KCNK5: variants seen among roughly 807,000 people sequenced by gnomAD.
The protein encoded by KCNK5 is potassium two pore domain channel subfamily K member 5, also known as potassium channel subfamily K member 5.
Under a neutral mutation model 32.9 loss-of-function variants are expected in KCNK5, and 18 were observed. That is an observed-to-expected ratio of 0.55 (90% CI 0.38 to 0.81). The LOEUF (loss-of-function observed/expected upper bound fraction) is 0.81, where lower values mean the gene tolerates loss of function less well. KCNK5 is among the 30% of genes least tolerant of loss of function. The probability of loss-of-function intolerance (pLI) is 0.00; values close to 1 mark genes in which losing one functional copy is unlikely to be tolerated. For missense variants in KCNK5, 507 were observed against 651.0 expected, an observed-to-expected ratio of 0.78 and a Z score of 2.41; for synonymous variants, 276 against 275.3, an observed-to-expected ratio of 1.00 and a Z score of -0.03.
chr6:39,194,506 C>T lies in KCNK5; in HGVS notation c.465+88G>A. The T allele has an allele frequency of 6.6e-7, 1 of 1,508,590 alleles. No individual in the cohort carries two copies. Among genetic ancestry groups the T allele is most frequent in the East Asian group, 2.3e-5 (1 of 44,266 alleles). 93.5% of individuals were successfully genotyped at this position (1,508,590 alleles called of 1,614,324 possible). A position where few individuals can be genotyped will look rare whatever the true frequency, so the allele number is the denominator to read the frequency against. On this transcript the variant is annotated intron_variant, in intron 3 of 4. Transcript: ENST00000359534. This position sits in a 1 kb window ranked among gnomAD's most constrained non-coding sequence, Gnocchi z 4.7. ...TCCTCTTGCCATCTGTCCTTACACC[C>T]TTGGTCCAATTCCTAGAGGCCTCCT...
intron 1 of KCNK5, among the ~76,000 whole-genome samples, chr6:39,199,101 G>A (rs1295815014): frequency 6.6e-6 from 1 of 152,142 alleles, no homozygotes; most frequent in Non-Finnish European, 1.5e-5. Flanking sequence ...ATTCTAATGG[G>A]TGATGGGAGA....
intron 1 of KCNK5, among the ~76,000 whole-genome samples, chr6:39,222,242 A>G (rs894702838): frequency 6.6e-6 from 1 of 152,204 alleles, no homozygotes; most frequent in Non-Finnish European, 1.5e-5. Context: ...AGGGGCTCGT[A>G]GTAGGAAAAG....
In KCNK5 at chr6:39,194,489, C is replaced by G. The variant is rs1770994479; in HGVS notation, c.465+105G>C. 6.9e-7 allele frequency: 1 copy of G among 1,447,018 alleles called. No individual in the cohort carries two copies. Among genetic ancestry groups the G allele is most frequent in the Admixed American group, 2.0e-5 (1 of 48,906 alleles). The allele number at this position is 1,447,018 out of a possible 1,614,324, so 89.6% of individuals were successfully genotyped here. On this transcript the variant is annotated intron_variant, in intron 3 of 4. Transcript: ENST00000359534. This position sits in a 1 kb window ranked among gnomAD's most constrained non-coding sequence, Gnocchi z 4.7. Reference sequence around the variant, plus strand: ...AAGGAGCTCTGAAACTATCCTCTTGCCATCTGTCCTTACACCCTTGGTCCA... The same window carrying G: ...AAGGAGCTCTGAAACTATCCTCTTGGCATCTGTCCTTACACCCTTGGTCCA...
intron 1 of KCNK5, among the ~76,000 whole-genome samples, chr6:39,218,738 TCCTTCC>T (rs1771487200): frequency 6.6e-6 from 1 of 152,096 alleles, no homozygotes. Flanking sequence ...ATACTTCTGC[TCCTTCC>T]CCCTGGAGTG....
Position 39,194,019 on chromosome 6 carries a change from T to A in KCNK5, c.634+150A>T. 2.5e-6 allele frequency: 2 copies of A among 806,886 alleles called. No homozygotes were observed. The highest frequency in any genetic ancestry group is 3.3e-5 in the South Asian group (2 of 60,178). The allele number at this position is 806,886 out of a possible 1,614,324, so 50.0% of individuals were successfully genotyped here. The stretch of plus-strand genomic sequence containing the variant: ...GTCATTACTCTGGGTCTTAGTTTCC[T>A]CTTGCAAATGGCAGAGTGGGTTGAG... On this transcript the variant is annotated intron_variant, in intron 4 of 4. Transcript: ENST00000359534. This position sits in a 1 kb window ranked among gnomAD's most constrained non-coding sequence, Gnocchi z 4.7.
rs574933162 is a variant in KCNK5 at position 39,219,906 on chromosome 6, CT to C, written c.186+9019del. Among the ~76,000 whole-genome samples, 138 of 152,344 alleles carry C rather than the reference CT, an allele frequency of 9.1e-4. 1 individual carries two copies. The highest frequency in any genetic ancestry group is 3.1e-3 in the African/African-American group (130 of 41,582). On this transcript the variant is annotated intron_variant, in intron 1 of 4. Transcript: ENST00000359534. ...GCTGGACCTAACTAGCACTCCAAGCCTTTCTGAATGAATGGACGAGTCCAGA... is the reference window on the plus strand; with the variant it reads ...GCTGGACCTAACTAGCACTCCAAGCCTTCTGAATGAATGGACGAGTCCAGA...
At chr6:39,193,519 G>C (rs1770977138) in intron 4 of KCNK5, among the ~76,000 whole-genome samples, 1 of 152,228 alleles carries the variant, frequency 6.6e-6, no homozygotes, top group South Asian at 2.1e-4. Context: ...GAACCAAGAT[G>C]CTGTGCAGGC....
intron 1 of KCNK5, among the ~76,000 whole-genome samples, chr6:39,214,222 C>T (rs1431933688): frequency 6.6e-6 from 1 of 152,142 alleles, no homozygotes; most frequent in Admixed American, 6.5e-5. Context: ...AAAGTACCTG[C>T]CTCGGCTGTG....
At chr6:39,202,317 T>C (rs1771144717) in intron 1 of KCNK5, among the ~76,000 whole-genome samples, 1 of 152,114 alleles carries the variant, frequency 6.6e-6, no homozygotes, top group African/African-American at 2.4e-5. Context: ...GGTGGAAGCC[T>C]GAAGAGCAAG....
intron 1 of KCNK5, among the ~76,000 whole-genome samples, chr6:39,221,810 C>T (rs1031432865): frequency 6.6e-6 from 1 of 152,188 alleles, no homozygotes; most frequent in Admixed American, 6.5e-5. Flanking sequence ...ATGAATCCCC[C>T]CAGCCCCTTC....
intron 1 of KCNK5, among the ~76,000 whole-genome samples, chr6:39,219,942 T>C (rs1771509724): frequency 6.6e-6 from 1 of 152,124 alleles, no homozygotes; most frequent in Non-Finnish European, 1.5e-5. Context: ...AGAGGGAAAA[T>C]ATGGCCAGGG....
chr6:39,203,108 T>A (rs1216130622), intron 1 of KCNK5, among the ~76,000 whole-genome samples: 5 of 152,172 alleles, frequency 3.3e-5, no homozygotes, highest in Admixed American at 3.3e-4. Context: ...GCAGATGGGC[T>A]GGCATGTCCT....
intron 1 of KCNK5, among the ~76,000 whole-genome samples, chr6:39,215,456 G>A (rs139095407): frequency 3.0e-4 from 45 of 152,258 alleles, no homozygotes; most frequent in African/African-American, 4.1e-4. Flanking sequence ...GGGGATGGAC[G>A]TCTTTCTCCT....
chr6:39,201,629 A>G (rs1303204719), intron 1 of KCNK5, among the ~76,000 whole-genome samples: 1 of 152,208 alleles, frequency 6.6e-6, no homozygotes, highest in African/African-American at 2.4e-5. Flanking sequence ...AAGGGAAAAT[A>G]GAGCTGACCC....
intron 1 of KCNK5, among the ~76,000 whole-genome samples, chr6:39,222,205 T>G (rs1013983225): frequency 2.6e-5 from 4 of 152,162 alleles, no homozygotes; most frequent in African/African-American, 4.8e-5. Context: ...TGTCTTTGGC[T>G]GGGCCAGGGA....
At position 39,194,483 on chromosome 6, in the gene KCNK5, C is replaced by T; in HGVS notation, c.465+111G>A. On this transcript the variant is annotated intron_variant, in intron 3 of 4. Coordinates refer to ENST00000359534, the MANE Select transcript of KCNK5 (RefSeq NM_003740.4). The surrounding 1 kb of genome is among the most constrained non-coding windows in gnomAD (Gnocchi z 4.7). ...GAGGGCAAGGAGCTCTGAAACTATCCTCTTGCCATCTGTCCTTACACCCTT... is the reference window on the plus strand; with the variant it reads ...GAGGGCAAGGAGCTCTGAAACTATCTTCTTGCCATCTGTCCTTACACCCTT... The T allele has an allele frequency of 7.0e-7, 1 of 1,432,092 alleles. No individual in the cohort carries two copies. The highest frequency in any genetic ancestry group is 9.5e-7 in the Non-Finnish European group (1 of 1,048,884). 88.7% of individuals were successfully genotyped at this position (1,432,092 alleles called of 1,614,324 possible).
At chr6:39,216,874 C>T (rs1030637998) in intron 1 of KCNK5, among the ~76,000 whole-genome samples, 9 of 152,014 alleles carry the variant, frequency 5.9e-5, no homozygotes, top group Non-Finnish European at 8.8e-5. Flanking sequence ...CTAATCCCAG[C>T]ACTTTGGGAG....
intron 1 of KCNK5, among the ~76,000 whole-genome samples, chr6:39,200,609 G>A (rs917438624): frequency 2.6e-5 from 4 of 152,150 alleles, no homozygotes; most frequent in African/African-American, 9.7e-5. Context: ...ACAGGAAAGA[G>A]GCCTGTGCAT....
intron 1 of KCNK5, among the ~76,000 whole-genome samples, chr6:39,226,120 G>A (rs1313706825): frequency 1.3e-5 from 2 of 152,224 alleles, no homozygotes; most frequent in Non-Finnish European, 2.9e-5. Flanking sequence ...AAACCAGCCT[G>A]TGCCCTCTCT....
Sources: allele counts gnomAD v4.1 joint callset (sites outside exome capture counted in the v4.1 genomes callset), GRCh38; gene constraint gnomAD v4.1.1; non-coding constraint Gnocchi (gnomAD v3.1); transcripts MANE v1.5; gene names NCBI Gene and HGNC (gene_info 2026-07-23, HGNC 2026-07-21).